MAST4: variants seen among roughly 807,000 people sequenced by gnomAD.
MAST4 encodes the protein microtubule-associated serine/threonine-protein kinase 4.
In MAST4, 89 loss-of-function variants were observed where a neutral mutation model predicts 162.7. The ratio of observed to expected loss-of-function variants is 0.55; its 90% CI spans 0.46 to 0.65. The LOEUF is 0.65. Among genes scored for constraint, MAST4 ranks in the 30% least tolerant of loss-of-function variants. The probability of loss-of-function intolerance (pLI) is 0.00; values close to 1 mark genes in which losing one functional copy is unlikely to be tolerated. For missense variants in MAST4, 3,153 were observed against 3,374.0 expected (o/e 0.93, Z 1.62); for synonymous variants, 1,479 against 1,361.1 (o/e 1.09, Z -1.91).
intron 3 of MAST4, among the ~76,000 whole-genome samples, chr5:66,863,933 C>A (rs1002667848): frequency 6.6e-6 from 1 of 152,202 alleles, no homozygotes; most frequent in Non-Finnish European, 1.5e-5. Flanking sequence ...TAATCAAATT[C>A]TTCTCAAGCC....
chr5:66,921,388 C>T (rs1349273769), intron 4 of MAST4, among the ~76,000 whole-genome samples: 2 of 152,146 alleles, frequency 1.3e-5, no homozygotes, highest in African/African-American at 4.8e-5. Flanking sequence ...CGTCCAGAGG[C>T]ATTCTTAATT....
chr5:66,787,351 A>G (rs1053370344), intron 2 of MAST4, among the ~76,000 whole-genome samples: 5 of 152,236 alleles, frequency 3.3e-5, no homozygotes, highest in African/African-American at 7.2e-5. Context: ...CTTTCACTCT[A>G]TAATAAAAGA....
intron 7 of MAST4, among the ~76,000 whole-genome samples, chr5:67,098,734 T>C (rs1197621238): frequency 1.3e-5 from 2 of 152,164 alleles, no homozygotes; most frequent in African/African-American, 2.4e-5. Context: ...GACCCTTCTC[T>C]GAAGTCAATA....
At chr5:66,936,029 G>T (rs1316107853) in intron 4 of MAST4, among the ~76,000 whole-genome samples, 1 of 152,114 alleles carries the variant, frequency 6.6e-6, no homozygotes, top group South Asian at 2.1e-4. Flanking sequence ...GAACACCAAG[G>T]CCCAGAATGA....
chr5:66,635,120 A>G (rs1428874152), intron 1 of MAST4, among the ~76,000 whole-genome samples: 1 of 152,222 alleles, frequency 6.6e-6, no homozygotes, highest in African/African-American at 2.4e-5. Flanking sequence ...ACACACCTAA[A>G]GAGCACCAAA....
In MAST4 at chr5:67,165,870, T is replaced by TC; in HGVS notation, c.6694dup (p.Leu2232ProfsTer5). ...AAAGGGCAAAGAGCCTGCCACTCAG[T>TC]CCCTCGGTGGCTCTAGCAGAGAGGG... On this transcript the variant is annotated frameshift_variant, in exon 29 of 29. Transcript: ENST00000403625. LOFTEE classifies it low-confidence loss of function (END_TRUNC). The TC allele has an allele frequency of 1.2e-6, 2 of 1,613,222 alleles. No individual in the cohort carries two copies. Among genetic ancestry groups the TC allele is most frequent in the Non-Finnish European group, 1.7e-6 (2 of 1,179,866 alleles).
rs758461114 is a variant in MAST4 at position 67,165,267 on chromosome 5, C to G, written c.6088C>G (p.Gln2030Glu). 6.2e-7 allele frequency: 1 copy of G among 1,613,202 alleles called. No homozygotes were observed. Among genetic ancestry groups the G allele is most frequent in the Non-Finnish European group, 8.5e-7 (1 of 1,179,842 alleles). The change falls in exon 29 of 29, where the codon CAG (glutamine) becomes GAG (glutamate). Residue 2030 changes from glutamine (Q) to glutamate (E), a missense_variant. This residue lies in a region of MAST4 where 1,644 missense variants were observed against 1,495.0 expected (regional missense o/e 1.10). Coordinates refer to ENST00000403625, the MANE Select transcript of MAST4 (RefSeq NM_001164664.2). Reference sequence around the variant, plus strand: ...CCACCCAGATTTCTATACACAGACCCAGGCCATGGAGAAAGCATGGGCGCC... The same window carrying G: ...CCACCCAGATTTCTATACACAGACCGAGGCCATGGAGAAAGCATGGGCGCC... ...RTHPDFYTQT[Q>E]AMEKAWAPGG... is the part of the protein sequence containing the mutation.
intron 4 of MAST4, among the ~76,000 whole-genome samples, chr5:67,000,464 T>C (rs569776023): frequency 4.5e-4 from 68 of 152,304 alleles, no homozygotes; most frequent in African/African-American, 3.4e-4. Flanking sequence ...TTAAAGGGCA[T>C]GTGTTGCCGG....
At chr5:66,967,973 T>C (rs1042380904) in intron 4 of MAST4, among the ~76,000 whole-genome samples, 2 of 152,270 alleles carry the variant, frequency 1.3e-5, no homozygotes, top group Admixed American at 1.3e-4. Flanking sequence ...CATCAGTGCC[T>C]CCTGAGTAAT....
intron 2 of MAST4, among the ~76,000 whole-genome samples, chr5:66,774,202 T>C (rs554397813): frequency 1.3e-5 from 2 of 152,378 alleles, no homozygotes; most frequent in Admixed American, 1.3e-4. Flanking sequence ...AGGGTTTAGA[T>C]TGGTCTGATA....
intron 6 of MAST4, among the ~76,000 whole-genome samples, chr5:67,091,317 T>C (rs1763844591): frequency 6.6e-6 from 1 of 152,226 alleles, no homozygotes; most frequent in Non-Finnish European, 1.5e-5. Context: ...TGTTCTTTCA[T>C]AGTTTAGTTG....
chr5:66,603,773 C>T (rs2149384872), intron 1 of MAST4, among the ~76,000 whole-genome samples: 1 of 152,290 alleles, frequency 6.6e-6, no homozygotes, highest in South Asian at 2.1e-4. Context: ...GATTGCAGTT[C>T]ACTTCTCTTC....
intron 7 of MAST4, 42 bp from the exon 8 acceptor site, chr5:67,100,393 C>A: frequency 1.2e-6 from 2 of 1,608,002 alleles, no homozygotes; most frequent in Non-Finnish European, 1.7e-6. Context: ...TGAAGAGTTT[C>A]TTTCTGAGGT....
chr5:66,806,582 A>G (rs529816750), intron 3 of MAST4, among the ~76,000 whole-genome samples: 3 of 152,290 alleles, frequency 2.0e-5, no homozygotes, highest in Non-Finnish European at 4.4e-5. Flanking sequence ...TCATAGACCC[A>G]CTTGATCAGT....
intron 16 of MAST4, 34 bp downstream of exon 16, chr5:67,131,985 G>T: frequency 6.3e-7 from 1 of 1,595,538 alleles, no homozygotes; most frequent in Non-Finnish European, 8.6e-7. Context: ...GTCTTCTTTT[G>T]CCCAATACAA....
intron 4 of MAST4, among the ~76,000 whole-genome samples, chr5:67,049,521 G>A (rs1324169385): frequency 6.6e-6 from 1 of 152,092 alleles, no homozygotes; most frequent in Non-Finnish European, 1.5e-5. Context: ...AAGGTGTGAG[G>A]AAATAGTTAG....
At chr5:66,969,072 C>T (rs933477289) in intron 4 of MAST4, among the ~76,000 whole-genome samples, 2 of 152,164 alleles carry the variant, frequency 1.3e-5, no homozygotes, top group Non-Finnish European at 2.9e-5. Flanking sequence ...ATTTAGTTGT[C>T]ATTAAATGTG....
intron 4 of MAST4, among the ~76,000 whole-genome samples, chr5:66,960,465 A>G (rs1002533349): frequency 2.0e-5 from 3 of 151,922 alleles, no homozygotes; most frequent in Non-Finnish European, 4.4e-5. Context: ...TTGCCCTAAC[A>G]TTTCTCCCAT....
chr5:66,890,054 T>A (rs1762272431), intron 3 of MAST4, among the ~76,000 whole-genome samples: 1 of 152,264 alleles, frequency 6.6e-6, no homozygotes, highest in Non-Finnish European at 1.5e-5. Flanking sequence ...TATGAAGGAC[T>A]GTGCCTTCTC....
Sources: gnomAD v4.1 joint callset for allele counts (sites outside exome capture counted in the v4.1 genomes callset) on GRCh38, gnomAD v4.1.1 for gene constraint, gnomAD v4.1.1 regional missense constraint, MANE v1.5 for transcripts, NCBI Gene and HGNC (gene_info 2026-07-23, HGNC 2026-07-21) for gene names.